GLIPR1L1: variants seen among roughly 807,000 people sequenced by gnomAD.
GLIPR1L1 encodes the protein GLIPR1 like 1.
A neutral mutation model predicts 29.9 loss-of-function variants in GLIPR1L1; 26 were observed. That is an observed-to-expected ratio of 0.87 (90% CI 0.64 to 1.21). The LOEUF (loss-of-function observed/expected upper bound fraction) is 1.21, where lower values mean the gene tolerates loss of function less well. Among genes scored for constraint, GLIPR1L1 ranks in the 50% most tolerant of loss-of-function variants. GLIPR1L1 has a pLI of 0.00. For synonymous variants in GLIPR1L1, 77 were observed against 97.5 expected, an observed-to-expected ratio of 0.79 and a Z score of 1.24; for missense variants, 305 against 290.3, an observed-to-expected ratio of 1.05 and a Z score of -0.37.
intron 2 of GLIPR1L1, among the ~76,000 whole-genome samples, chr12:75,346,603 C>A (rs1394490717): frequency 1.3e-5 from 2 of 152,158 alleles, no homozygotes; most frequent in African/African-American, 4.8e-5. Flanking sequence ...GTTGGCCAGG[C>A]TGACCTCGAA....
intron 3 of GLIPR1L1, among the ~76,000 whole-genome samples, chr12:75,358,589 C>T (rs1308209695): frequency 6.6e-6 from 1 of 150,758 alleles, no homozygotes; most frequent in Non-Finnish European, 1.5e-5. Flanking sequence ...TGACCACTAA[C>T]ATTATGCCTA....
intron 3 of GLIPR1L1, chr12:75,361,146 G>A (rs1170596799): frequency 2.0e-5 from 3 of 152,078 alleles, no homozygotes; most frequent in African/African-American, 7.2e-5. Flanking sequence ...TGGGACTGGG[G>A]CTCTTTATGG....
At chr12:75,353,072 C>T (rs1399871388) in intron 3 of GLIPR1L1, among the ~76,000 whole-genome samples, 1 of 152,006 alleles carries the variant, frequency 6.6e-6, no homozygotes, top group Admixed American at 6.5e-5. Context: ...ATCCTAACAT[C>T]ATAACTAAAG....
At chr12:75,338,637 C>T (rs953698418) in intron 1 of GLIPR1L1, among the ~76,000 whole-genome samples, 1 of 151,326 alleles carries the variant, frequency 6.6e-6, no homozygotes, top group African/African-American at 2.4e-5. Flanking sequence ...GCAGGATGTG[C>T]AGGTTTGTTA....
At chr12:75,356,030 G>C (rs542837666) in intron 3 of GLIPR1L1, among the ~76,000 whole-genome samples, 1 of 152,138 alleles carries the variant, frequency 6.6e-6, no homozygotes, top group Admixed American at 6.5e-5. Context: ...ACGCATGCTG[G>C]GCTTAATACC....
At chr12:75,359,912 C>G (rs1042565892) in intron 3 of GLIPR1L1, 1 of 152,096 alleles carries the variant, frequency 6.6e-6, no homozygotes, top group Non-Finnish European at 1.5e-5. Flanking sequence ...GTTTAATTGA[C>G]TACAGTTCCA....
intron 1 of GLIPR1L1, among the ~76,000 whole-genome samples, chr12:75,340,799 T>C (rs1207538345): frequency 6.7e-6 from 1 of 149,594 alleles, no homozygotes; most frequent in Non-Finnish European, 1.5e-5. Context: ...CACAGAGATA[T>C]ACAGATGGAA....
At chr12:75,352,126 C>T (rs948456502) in intron 3 of GLIPR1L1, among the ~76,000 whole-genome samples, 3 of 152,216 alleles carry the variant, frequency 2.0e-5, no homozygotes, top group African/African-American at 7.2e-5. Flanking sequence ...CAGCTAGCAT[C>T]ATGATGACAG....
At chr12:75,348,502 T>G (rs2042597520) in intron 3 of GLIPR1L1, among the ~76,000 whole-genome samples, 1 of 152,178 alleles carries the variant, frequency 6.6e-6, no homozygotes, top group Non-Finnish European at 1.5e-5. Flanking sequence ...TTTTATAGAT[T>G]CAGAGAAATT....
chr12:75,368,862 T>C (rs1236229696), intron 4 of GLIPR1L1, among the ~76,000 whole-genome samples: 1 of 151,966 alleles, frequency 6.6e-6, no homozygotes, highest in Non-Finnish European at 1.5e-5. Context: ...ACTAATTTTT[T>C]TCATCATTAT....
At chr12:75,341,747 CTTTTTTTTTTT>C in intron 1 of GLIPR1L1, among the ~76,000 whole-genome samples, 1 of 83,406 alleles carries the variant, frequency 1.2e-5, no homozygotes, top group South Asian at 3.7e-4. Flanking sequence ...CGCCCGGCCT[CTTTTTTTTTTT>C]TTTTTTTTTT....
chr12:75,366,746 C>T (rs2043990799), intron 4 of GLIPR1L1: 2 of 621,506 alleles, frequency 3.2e-6, no homozygotes, highest in Non-Finnish European at 2.9e-6. Context: ...AGTGTTTTAC[C>T]AATGAGTCAT....
At chr12:75,359,355 G>GTTTTTTTTTTTT (rs1463566931) in intron 3 of GLIPR1L1, among the ~76,000 whole-genome samples, 4 of 46,432 alleles carry the variant, frequency 8.6e-5, no homozygotes, top group African/African-American at 1.7e-4. Context: ...CAGCATTGTT[G>GTTTTTTTTTTTT]TCTTTTTTTT....
chr12:75,344,013 G>A (rs2042290303), intron 2 of GLIPR1L1, 75 bp downstream of exon 2: 4 of 1,239,642 alleles, frequency 3.2e-6, no homozygotes, highest in Admixed American at 4.8e-5. Flanking sequence ...TTCTCTGTAT[G>A]TAAAGTGCCT....
chr12:75,357,053 T>C (rs2043199233), intron 3 of GLIPR1L1, among the ~76,000 whole-genome samples: 1 of 152,080 alleles, frequency 6.6e-6, no homozygotes, highest in African/African-American at 2.4e-5. Flanking sequence ...TACTTTGGCA[T>C]GGTGGCACAT....
chr12:75,335,158 G>C (rs1239990196), intron 1 of GLIPR1L1, among the ~76,000 whole-genome samples: 2 of 152,118 alleles, frequency 1.3e-5, no homozygotes, highest in Non-Finnish European at 2.9e-5. Flanking sequence ...AAGTTGCTTT[G>C]TTGCACCACT....
intron 3 of GLIPR1L1, among the ~76,000 whole-genome samples, chr12:75,354,174 G>T (rs367811603): frequency 4.2e-5 from 6 of 142,864 alleles, no homozygotes; most frequent in East Asian, 2.1e-4. Flanking sequence ...AAAGGGGGGG[G>T]GGTATTCAAA....
intron 1 of GLIPR1L1, among the ~76,000 whole-genome samples, chr12:75,341,745 C>CTGTTTTT (rs1565956607): frequency 7.1e-6 from 1 of 141,114 alleles, no homozygotes; most frequent in African/African-American, 2.7e-5. Context: ...CGCGCCCGGC[C>CTGTTTTT]TCTTTTTTTT....
chr12:75,360,739 T>G (rs1022100625), intron 3 of GLIPR1L1: 1 of 152,250 alleles, frequency 6.6e-6, no homozygotes, highest in Non-Finnish European at 1.5e-5. Context: ...CACTAGGCAG[T>G]GTGCCAGTGG....
Sources: allele counts gnomAD v4.1 joint callset (sites outside exome capture counted in the v4.1 genomes callset), GRCh38; gene constraint gnomAD v4.1.1; transcripts MANE v1.5; gene names NCBI Gene and HGNC (gene_info 2026-07-23, HGNC 2026-07-21).